Variants in COL24A1 observed in about 807,000 individuals in gnomAD.
COL24A1 encodes the protein collagen alpha-1(XXIV) chain.
In COL24A1, 224 loss-of-function variants were observed where a neutral mutation model predicts 253.9. That is an observed-to-expected ratio of 0.88 (90% CI 0.79 to 0.99). COL24A1 has a LOEUF of 0.99. COL24A1 is among the 50% of genes least tolerant of loss of function. COL24A1 has a pLI of 0.00. For missense variants in COL24A1, 2,131 were observed against 2,068.5 expected, an observed-to-expected ratio of 1.03 and a Z score of -0.59; for synonymous variants, 685 against 673.7, an observed-to-expected ratio of 1.02 and a Z score of -0.26.
intron 42 of COL24A1, among the ~76,000 whole-genome samples, chr1:85,840,777 C>T (rs569160791): frequency 6.6e-6 from 1 of 152,070 alleles, no homozygotes; most frequent in African/African-American, 2.4e-5. Context: ...GTTATTGGTT[C>T]TAATAACTCC....
chr1:86,021,574 T>A (rs1270170938), intron 18 of COL24A1, among the ~76,000 whole-genome samples: 1 of 152,166 alleles, frequency 6.6e-6, no homozygotes, highest in Non-Finnish European at 1.5e-5. Context: ...GTTGTGAAGA[T>A]TAATTTAGAT....
chr1:85,849,378 C>T lies in COL24A1; in HGVS notation c.3329G>A (p.Gly1110Glu). ...PGPEGIVGIP[G>E]QRGRPGKKGD... ...CTTTTTTCCTGGACGACCTCTTTGC[C>T]CTGGAATTCCCACAATTCCTTCAGG... Residue 1110 changes from glycine (G) to glutamate (E), a missense_variant, in exon 38 of 60, where the codon GGG becomes GAG. Transcript: ENST00000370571. The T allele has an allele frequency of 6.2e-7, 1 of 1,612,128 alleles. No homozygotes were observed. Among genetic ancestry groups the T allele is most frequent in the Non-Finnish European group, 8.5e-7 (1 of 1,179,002 alleles).
At chr1:86,085,492 C>A (rs1313273098) in intron 7 of COL24A1, among the ~76,000 whole-genome samples, 1 of 152,136 alleles carries the variant, frequency 6.6e-6, no homozygotes, top group Non-Finnish European at 1.5e-5. Context: ...TTCAATATGG[C>A]TTATCTTCTT....
intron 18 of COL24A1, among the ~76,000 whole-genome samples, chr1:86,018,002 A>G (rs958728282): frequency 1.2e-4 from 19 of 152,332 alleles, no homozygotes; most frequent in African/African-American, 4.6e-4. Context: ...GTGACAGGAA[A>G]GAGAAGTAGG....
chr1:86,052,578 G>A (rs1700389950), intron 10 of COL24A1, among the ~76,000 whole-genome samples: 1 of 152,048 alleles, frequency 6.6e-6, no homozygotes. Flanking sequence ...CAGGGACTGG[G>A]AGTGGAGAAC....
chr1:85,874,583 T>G (rs1336761064), intron 35 of COL24A1, 66 bp downstream of exon 35: 43 of 1,414,826 alleles, frequency 3.0e-5, no homozygotes, highest in Non-Finnish European at 4.2e-5. Flanking sequence ...GTGTTTCGAA[T>G]AATAAGTTTT....
intron 19 of COL24A1, among the ~76,000 whole-genome samples, chr1:85,994,608 T>C (rs573164913): frequency 2.0e-5 from 3 of 152,158 alleles, no homozygotes; most frequent in African/African-American, 7.2e-5. Flanking sequence ...ATATGATGAG[T>C]CCAGGTAGGA....
Position 85,849,341 on chromosome 1 carries a change from G to A in COL24A1, c.3354+12C>T. ...AGAAAGAAAACCTGCATAAGAAGATGTAAAAAATTACCTTTTTTCCTGGAC... is the reference window on the plus strand; with the variant it reads ...AGAAAGAAAACCTGCATAAGAAGATATAAAAAATTACCTTTTTTCCTGGAC... On this transcript the variant is annotated intron_variant, in intron 38 of 59. Coordinates refer to ENST00000370571, the MANE Select transcript of COL24A1 (RefSeq NM_152890.7). 10 of 1,610,856 alleles carry A rather than the reference G, an allele frequency of 6.2e-6. No individual in the cohort carries two copies. Among genetic ancestry groups the A allele is most frequent in the South Asian group, 1.1e-5 (1 of 90,854 alleles).
chr1:85,846,933 A>G (rs1677200039), intron 39 of COL24A1, among the ~76,000 whole-genome samples: 1 of 152,096 alleles, frequency 6.6e-6, no homozygotes, highest in South Asian at 2.1e-4. Flanking sequence ...ATGATCTCTA[A>G]AAAGCCTTAG....
chr1:85,782,763 C>A (rs1232080482), intron 51 of COL24A1, among the ~76,000 whole-genome samples: 1 of 152,188 alleles, frequency 6.6e-6, no homozygotes, highest in Non-Finnish European at 1.5e-5. Flanking sequence ...CTTGCCCCTG[C>A]AGCTGCTATT....
At chr1:86,046,595 T>A (rs1411111018) in intron 12 of COL24A1, among the ~76,000 whole-genome samples, 2 of 152,204 alleles carry the variant, frequency 1.3e-5, no homozygotes, top group African/African-American at 2.4e-5. Flanking sequence ...GTTTTCCCAC[T>A]GGTATAGTGA....
At chr1:85,899,135 C>T (rs753848698) in intron 28 of COL24A1, among the ~76,000 whole-genome samples, 4 of 152,106 alleles carry the variant, frequency 2.6e-5, no homozygotes, top group Admixed American at 1.3e-4. Context: ...AAATTTTAGC[C>T]GTCTCTATTG....
At chr1:86,077,342 A>G (rs1161297584) in intron 7 of COL24A1, among the ~76,000 whole-genome samples, 1 of 152,180 alleles carries the variant, frequency 6.6e-6, no homozygotes, top group Non-Finnish European at 1.5e-5. Context: ...GAAACAACAG[A>G]TGCTGGAGAG....
intron 28 of COL24A1, among the ~76,000 whole-genome samples, chr1:85,898,198 C>G (rs1315449754): frequency 6.6e-6 from 1 of 152,152 alleles, no homozygotes; most frequent in Non-Finnish European, 1.5e-5. Flanking sequence ...CTATACAGAA[C>G]GGTGATACAA....
At chr1:85,909,696 T>G (rs1240284958) in intron 26 of COL24A1, among the ~76,000 whole-genome samples, 1 of 151,914 alleles carries the variant, frequency 6.6e-6, no homozygotes, top group East Asian at 1.9e-4. Flanking sequence ...TTCTTTATCT[T>G]TTTTAGCAAA....
chr1:85,936,971 A>C (rs1688297750), intron 24 of COL24A1, among the ~76,000 whole-genome samples: 1 of 147,452 alleles, frequency 6.8e-6, no homozygotes, highest in South Asian at 2.4e-4. Context: ...TCAAGTCATA[A>C]GGCCAACCAG....
intron 19 of COL24A1, among the ~76,000 whole-genome samples, chr1:86,010,757 A>G (rs1280510124): frequency 6.6e-6 from 1 of 152,178 alleles, no homozygotes; most frequent in Non-Finnish European, 1.5e-5. Flanking sequence ...AGTACTATGA[A>G]GCTACAAAAT....
chr1:86,004,885 C>T (rs1292915962), intron 19 of COL24A1, among the ~76,000 whole-genome samples: 1 of 152,178 alleles, frequency 6.6e-6, no homozygotes, highest in Non-Finnish European at 1.5e-5. Flanking sequence ...CTAATTGACC[C>T]TGATAAACAG....
intron 5 of COL24A1, among the ~76,000 whole-genome samples, chr1:86,109,849 T>C (rs11161736): frequency 0.15 from 22,356 of 152,224 alleles, 1,786 homozygotes; most frequent in South Asian, 0.24. Context: ...AGTGTAATGA[T>C]AAGTGGGGCT....
Sources: gnomAD v4.1 joint callset for allele counts (sites outside exome capture counted in the v4.1 genomes callset) on GRCh38, gnomAD v4.1.1 for gene constraint, MANE v1.5 for transcripts, NCBI Gene and HGNC (gene_info 2026-07-23, HGNC 2026-07-21) for gene names.